HAVCR2: variants seen among roughly 807,000 people sequenced by gnomAD.
The protein encoded by HAVCR2 is hepatitis A virus cellular receptor 2, also known as T cell immunoglobulin mucin 3.
In HAVCR2, 13 loss-of-function variants were observed where a neutral mutation model predicts 24.7. That is an observed-to-expected ratio of 0.53 (90% CI 0.34 to 0.84). The LOEUF is 0.84. HAVCR2 is among the 40% of genes least tolerant of loss of function. The pLI is 0.01. For synonymous variants in HAVCR2, 154 were observed against 143.4 expected, an observed-to-expected ratio of 1.07 and a Z score of -0.53; for missense variants, 343 against 371.2, an observed-to-expected ratio of 0.92 and a Z score of 0.62.
At chr5:157,105,305 C>CCA (rs923643503) in intron 2 of HAVCR2, among the ~76,000 whole-genome samples, 1 of 152,100 alleles carries the variant, frequency 6.6e-6, no homozygotes, top group African/African-American at 2.4e-5. Context: ...CTCAGGTGAT[C>CCA]CACCCACCTC....
chr5:157,098,420 A>AC (rs1444975494), intron 4 of HAVCR2, among the ~76,000 whole-genome samples: 3,682 of 149,830 alleles, frequency 0.025, 152 homozygotes, highest in African/African-American at 0.082. Flanking sequence ...AAAAAAAAAA[A>AC]AAAACCTCTT....
At position 157,095,306 on chromosome 5, in the gene HAVCR2, ATT is replaced by A. The variant is rs767283571; in HGVS notation, c.674_675del (p.Lys225MetfsTer5). 6.2e-7 allele frequency: 1 copy of A among 1,613,366 alleles called. No individual in the cohort carries two copies. Among genetic ancestry groups the A allele is most frequent in the Non-Finnish European group, 8.5e-7 (1 of 1,179,770 alleles). ...GGGAGAGAGAAACAAAAACACTTAC[ATT>A]TGAAAATTAAAGCGCCGAAGATAAG... is the stretch of plus-strand genomic sequence containing the variant. Reference protein sequence around the residue: ...LALIFGALIFKWYSHSKEKIQ... With the variant: ...LALIFGALIFXWYSHSKEKIQ... On this transcript the variant is annotated frameshift_variant and splice_region_variant, in exon 5 of 7. Transcript: ENST00000307851. LOFTEE classifies it low-confidence loss of function (END_TRUNC).
chr5:157,090,035 G>A (rs1756973362), intron 5 of HAVCR2, among the ~76,000 whole-genome samples: 1 of 151,556 alleles, frequency 6.6e-6, no homozygotes, highest in Admixed American at 6.6e-5. Flanking sequence ...GGCTTACTGG[G>A]TACCTCTGGA....
chr5:157,103,373 TTAA>T (rs1379544222), intron 3 of HAVCR2, among the ~76,000 whole-genome samples: 2 of 40,752 alleles, frequency 4.9e-5, no homozygotes, highest in African/African-American at 1.6e-4. Context: ...TCCGTCTCAA[TTAA>T]AAAAAAAAAA....
chr5:157,088,522 G>A (rs1013520014), intron 6 of HAVCR2, among the ~76,000 whole-genome samples: 3 of 151,854 alleles, frequency 2.0e-5, no homozygotes. Flanking sequence ...GATTCTAATA[G>A]GAAACTAAAG....
chr5:157,094,676 C>A (rs969576748), intron 5 of HAVCR2, among the ~76,000 whole-genome samples: 4 of 151,638 alleles, frequency 2.6e-5, no homozygotes, highest in African/African-American at 9.7e-5. Flanking sequence ...AGCCACTGCG[C>A]CGGGCCTGTT....
chr5:157,105,766 T>A (rs1181579796), intron 2 of HAVCR2, among the ~76,000 whole-genome samples: 1 of 152,228 alleles, frequency 6.6e-6, no homozygotes, highest in African/African-American at 2.4e-5. Flanking sequence ...CAGTTCACCA[T>A]GCTGGCTGCA....
chr5:157,104,830 A>C, intron 2 of HAVCR2, 81 bp from the exon 3 acceptor site: 1 of 974,040 alleles, frequency 1.0e-6, no homozygotes, highest in South Asian at 1.5e-5. Flanking sequence ...GCAGCAAGAA[A>C]AAAATGCGAA....
At chr5:157,096,913 C>G (rs1204385451) in intron 4 of HAVCR2, among the ~76,000 whole-genome samples, 1 of 148,390 alleles carries the variant, frequency 6.7e-6, no homozygotes, top group Non-Finnish European at 1.5e-5. Context: ...AATATTGAGA[C>G]CCCATTTATA....
chr5:157,095,331 A>G lies in HAVCR2; in HGVS notation c.651T>C (p.Leu217=). The G allele has an allele frequency of 1.9e-6, 3 of 1,613,962 alleles. No homozygotes were observed. Among genetic ancestry groups the G allele is most frequent in the Middle Eastern group, 3.3e-4 (2 of 6,060 alleles). The change falls in exon 5 of 7, where the codon CTT becomes CTC. Residue 217 remains leucine, a synonymous_variant. Coordinates refer to ENST00000307851, the MANE Select transcript of HAVCR2 (RefSeq NM_032782.5). ...ATTTGAAAATTAAAGCGCCGAAGAT[A>G]AGAGCCAGAGCCAGCCCAGCACAGA... is the stretch of plus-strand genomic sequence containing the variant. ...AGICAGLALA[L]IFGALIFKWY...
At chr5:157,100,503 C>G (rs1213694633) in intron 3 of HAVCR2, among the ~76,000 whole-genome samples, 1 of 152,300 alleles carries the variant, frequency 6.6e-6, no homozygotes, top group East Asian at 1.9e-4. Context: ...GAGCAGGAAA[C>G]AAGAGGGGCA....
intron 5 of HAVCR2, among the ~76,000 whole-genome samples, chr5:157,094,383 T>C (rs180989894): frequency 1.3e-5 from 2 of 151,322 alleles, no homozygotes; most frequent in East Asian, 3.9e-4. Context: ...TATTTATTTA[T>C]ATTTTATTAC....
chr5:157,095,132 A>C (rs931223194), intron 5 of HAVCR2, among the ~76,000 whole-genome samples, 174 bp downstream of exon 5: 3 of 152,200 alleles, frequency 2.0e-5, no homozygotes, highest in African/African-American at 7.2e-5. Flanking sequence ...GCTGCCTGAC[A>C]CACAATAAAT....
intron 3 of HAVCR2, among the ~76,000 whole-genome samples, chr5:157,099,410 C>T (rs1385796320): frequency 6.6e-6 from 1 of 151,808 alleles, no homozygotes; most frequent in Non-Finnish European, 1.5e-5. Context: ...GCATGCACCA[C>T]CACGCCCAGC....
intron 5 of HAVCR2, 83 bp from the exon 6 acceptor site, chr5:157,089,060 C>G (rs369393218): frequency 8.7e-6 from 11 of 1,260,026 alleles, no homozygotes; most frequent in Non-Finnish European, 1.2e-5. Context: ...ACTGGAAGCA[C>G]GCATAGTTTA....
intron 6 of HAVCR2, among the ~76,000 whole-genome samples, chr5:157,087,701 C>T (rs774301025): frequency 3.3e-5 from 5 of 151,612 alleles, no homozygotes; most frequent in Non-Finnish European, 5.9e-5. Context: ...GTCAGGAGTT[C>T]GAGACCAGCC....
chr5:157,097,541 T>C (rs1251991060), intron 4 of HAVCR2, among the ~76,000 whole-genome samples: 1 of 152,166 alleles, frequency 6.6e-6, no homozygotes, highest in Admixed American at 6.5e-5. Flanking sequence ...ATTACAGGCA[T>C]GAGACACTGT....
chr5:157,105,118 G>A (rs1428186684), intron 2 of HAVCR2, among the ~76,000 whole-genome samples: 1 of 150,990 alleles, frequency 6.6e-6, no homozygotes, highest in Non-Finnish European at 1.5e-5. Context: ...AGGCTGGAGT[G>A]CAATGGCATA....
chr5:157,102,760 C>A (rs1047211657), intron 3 of HAVCR2, among the ~76,000 whole-genome samples: 2 of 151,670 alleles, frequency 1.3e-5, no homozygotes, highest in African/African-American at 4.8e-5. Context: ...CATGGTGAAA[C>A]CCCGTCTCTA....
Sources: gnomAD v4.1 joint callset for allele counts (sites outside exome capture counted in the v4.1 genomes callset) on GRCh38, gnomAD v4.1.1 for gene constraint, MANE v1.5 for transcripts, NCBI Gene and HGNC (gene_info 2026-07-23, HGNC 2026-07-21) for gene names.